ERICH3: variants seen among roughly 807,000 people sequenced by gnomAD.
ERICH3 encodes the protein glutamate-rich protein 3.
A neutral mutation model predicts 131.1 loss-of-function variants in ERICH3; 126 were observed. The ratio of observed to expected loss-of-function variants is 0.96; its 90% confidence interval spans 0.83 to 1.11. The LOEUF is 1.11. ERICH3 is among the 50% of genes most tolerant of loss of function. The pLI is 0.00. For missense variants in ERICH3, 2,050 were observed against 1,810.7 expected (o/e 1.13, Z -2.40); for synonymous variants, 695 against 644.6 (o/e 1.08, Z -1.18).
intron 1 of ERICH3, among the ~76,000 whole-genome samples, chr1:74,669,659 A>G (rs1367305897): frequency 3.9e-5 from 6 of 152,242 alleles, no homozygotes; most frequent in African/African-American, 1.4e-4. Flanking sequence ...CGAAATTATG[A>G]TGCAGCTCAG....
rs191183232 is a variant in ERICH3 at position 74,598,272 on chromosome 1, C to G, written c.1726+1423G>C. On this transcript the variant is annotated intron_variant, in intron 11 of 14. Coordinates refer to ENST00000326665, the MANE Select transcript of ERICH3 (RefSeq NM_001002912.5). ...TTATTACATGGATTTTATGGTCTCG[C>G]ATTGAAAAGAATCTTTACCCCAAGT... Among the ~76,000 whole-genome samples the G allele has an allele frequency of 4.0e-5, 6 of 151,790 alleles. No individual in the cohort carries two copies. In the East Asian group the frequency reaches 1.2e-3, roughly 29 times the overall value.
In ERICH3 at chr1:74,571,220, A is replaced by C. The variant is rs1646937152; in HGVS notation, c.4490T>G (p.Leu1497Arg). The change falls in exon 14 of 15, where the codon CTT becomes CGT. Residue 1497 changes from leucine (L) to arginine (R), a missense_variant. Coordinates refer to ENST00000326665, the MANE Select transcript of ERICH3 (RefSeq NM_001002912.5). ...SPESLQAMAT[L>R]PVKPDFTETR... ...TTCAGTGAAATCAGGCTTCACTGGA[A>C]GTGTTGCCATCGCCTGTAGACTCTC... 6.2e-7 allele frequency: 1 copy of C among 1,614,038 alleles called. No individual in the cohort carries two copies. Among genetic ancestry groups the C allele is most frequent in the Non-Finnish European group, 8.5e-7 (1 of 1,180,006 alleles).
In ERICH3 at chr1:74,571,272, G is replaced by A. The variant is rs149833860; in HGVS notation, c.4438C>T (p.Arg1480Trp). ...AAEKFRLGLS[R>W]EGERELSPES... ...GGACTCAATTCCCTCTCTCCCTCCCGTGATAATCCTAATCGGAATTTTTCA... is the reference window on the plus strand; with the variant it reads ...GGACTCAATTCCCTCTCTCCCTCCCATGATAATCCTAATCGGAATTTTTCA... Residue 1480 changes from arginine (R) to tryptophan (W), a missense_variant, in exon 14 of 15, where the codon CGG (arginine) becomes TGG (tryptophan). Arg to Trp is a moderately radical substitution (Grantham distance 101). Coordinates refer to ENST00000326665, the MANE Select transcript of ERICH3 (RefSeq NM_001002912.5). 3.1e-6 allele frequency: 5 copies of A among 1,613,778 alleles called. No homozygotes were observed. In the African/African-American group the frequency reaches 5.3e-5, roughly 17 times the overall value.
intron 11 of ERICH3, among the ~76,000 whole-genome samples, chr1:74,594,649 T>A (rs946061956): frequency 9.2e-5 from 14 of 152,090 alleles, no homozygotes; most frequent in Non-Finnish European, 1.5e-4. Flanking sequence ...GGGAAATAGA[T>A]CCACTGTACA....
Position 74,612,787 on chromosome 1 carries a change from T to C in ERICH3, c.1023A>G (p.Lys341=), listed in dbSNP as rs761565642. The C allele has an allele frequency of 6.3e-7, 1 of 1,584,480 alleles. No homozygotes were observed. The highest frequency in any genetic ancestry group is 8.6e-7 in the Non-Finnish European group (1 of 1,157,400). The part of the protein sequence containing the change: ...LEKETFQFIS[K]RHHGFPFSLT... ...GACTGAAGGGGAAACCATGATGCCT[T>C]TTGGAAATAAACTGAAAGGTCTCTG... The change falls in exon 9 of 15, where the codon AAA becomes AAG. Residue 341 remains lysine, a synonymous_variant. Coordinates refer to ENST00000326665, the MANE Select transcript of ERICH3 (RefSeq NM_001002912.5).
rs761043203 is a variant in ERICH3, at chr1:74,612,805, G to A, written c.1005C>T (p.Thr335=). 20 of 1,567,174 alleles carry A rather than the reference G, an allele frequency of 1.3e-5. No homozygotes were observed. The East Asian group carries it at 4.1e-4, about 32-fold the overall frequency. ...GATGCCTTTTGGAAATAAACTGAAA[G>A]GTCTCTGGAATTAAAATAGAAATAC... ...VYKGKLLEKE[T]FQFISKRHHG... is the part of the protein sequence containing the mutation. Residue 335 remains threonine, a synonymous_variant, in exon 9 of 15, where the codon ACC becomes ACT. Transcript: ENST00000326665.
intron 11 of ERICH3, 92 bp from the exon 12 acceptor site, chr1:74,590,172 A>C (rs574510943): frequency 2.7e-6 from 3 of 1,113,138 alleles, no homozygotes; most frequent in Admixed American, 5.8e-5. Context: ...AATACTAAAA[A>C]TTTTAAAACA....
intron 3 of ERICH3, among the ~76,000 whole-genome samples, chr1:74,643,851 C>A (rs979465131): frequency 5.3e-5 from 8 of 151,966 alleles, no homozygotes; most frequent in Non-Finnish European, 1.2e-4. Context: ...TTTCACAAAA[C>A]CTTGTTGTCC....
At chr1:74,623,606 A>C (rs1649310116) in intron 7 of ERICH3, 2 of 152,144 alleles carry the variant, frequency 1.3e-5, no homozygotes. Flanking sequence ...ATTTTGAACT[A>C]TTCCAGGAAA....
At chr1:74,610,314 G>T (rs923973119) in intron 9 of ERICH3, among the ~76,000 whole-genome samples, 1 of 150,766 alleles carries the variant, frequency 6.6e-6, no homozygotes, top group African/African-American at 2.4e-5. Context: ...TTTATGTATT[G>T]TTTAAGAAAA....
At position 74,589,499 on chromosome 1, in the gene ERICH3, G is replaced by A; in HGVS notation, c.2176+132C>T. ...CATGTATGATTATGTGACAAAGAGA[G>A]ACACAGCAAAAAATCTTGAATCCCT... On this transcript the variant is annotated intron_variant, in intron 12 of 14. Coordinates refer to ENST00000326665, the MANE Select transcript of ERICH3 (RefSeq NM_001002912.5). The A allele has an allele frequency of 3.5e-6, 3 of 856,830 alleles. No individual in the cohort carries two copies. The East Asian group carries it at 7.3e-5, about 21-fold the overall frequency. The allele number at this position is 856,830 out of a possible 1,614,324, so 53.1% of individuals were successfully genotyped here.
chr1:74,672,621 A>C (rs923196650), intron 1 of ERICH3, among the ~76,000 whole-genome samples: 4 of 152,214 alleles, frequency 2.6e-5, no homozygotes, highest in African/African-American at 9.6e-5. Context: ...AATGTGCAAT[A>C]AATGCAATTA....
rs371112685 is a variant in ERICH3, at chr1:74,602,491, C to T, written c.1490-2560G>A. 3.9e-5 allele frequency among the ~76,000 whole-genome samples: 6 copies of T among 152,050 alleles called. No homozygotes were observed. In the South Asian group the frequency reaches 6.2e-4, roughly 16 times the overall value. On this transcript the variant is annotated intron_variant, in intron 10 of 14. Transcript: ENST00000326665. Reference sequence around the variant, plus strand: ...TGTTTACCATCCCCACTAATGAGGACGTGAGTCAACACGGGGTCAACATCA... The same window carrying T: ...TGTTTACCATCCCCACTAATGAGGATGTGAGTCAACACGGGGTCAACATCA...
Position 74,571,094 on chromosome 1 carries a change from C to A in ERICH3, c.*18+5G>T. Reference sequence around the variant, plus strand: ...GTCCTACAAAGACATTACGCTTAAACTCACTGTCTGCCAGCAAGTCTCCTA... The same window carrying A: ...GTCCTACAAAGACATTACGCTTAAAATCACTGTCTGCCAGCAAGTCTCCTA... On this transcript the variant is annotated splice_donor_5th_base_variant and intron_variant, in intron 14 of 14. Transcript: ENST00000326665. 6.2e-7 allele frequency: 1 copy of A among 1,601,186 alleles called. No individual in the cohort carries two copies. Among genetic ancestry groups the A allele is most frequent in the Middle Eastern group, 1.7e-4 (1 of 5,998 alleles).
At chr1:74,659,108 A>G (rs1290579337) in intron 1 of ERICH3, among the ~76,000 whole-genome samples, 4 of 152,170 alleles carry the variant, frequency 2.6e-5, no homozygotes, top group Non-Finnish European at 5.9e-5. Context: ...TTAAACAATC[A>G]GGAAGAAAAT....
chr1:74,613,682 T>G (rs144461891), intron 8 of ERICH3, among the ~76,000 whole-genome samples: 2,010 of 152,294 alleles, frequency 0.013, 28 homozygotes, highest in Non-Finnish European at 0.019. Context: ...ACCAATAAAT[T>G]TAGAACCACT....
chr1:74,571,389 T>C lies in ERICH3; in HGVS notation c.4321A>G (p.Thr1441Ala). Residue 1441 changes from threonine (T) to alanine (A), a missense_variant, in exon 14 of 15, where the codon ACC (threonine) becomes GCC (alanine). Physicochemically the swap from Thr to Ala is moderately conservative, Grantham distance 58. Coordinates refer to ENST00000326665, the MANE Select transcript of ERICH3 (RefSeq NM_001002912.5). Reference protein sequence around the residue: ...VGTPGALERKTSGLGQEQEEG... With the variant: ...VGTPGALERKASGLGQEQEEG... Reference sequence around the variant, plus strand: ...TCTTGCTCCTGTCCTAGCCCTGAGGTCTTCCGCTCCAGGGCTCCTGGAGTG... The same window carrying C: ...TCTTGCTCCTGTCCTAGCCCTGAGGCCTTCCGCTCCAGGGCTCCTGGAGTG... 2 of 1,613,850 alleles carry C rather than the reference T, an allele frequency of 1.2e-6. No individual in the cohort carries two copies. The highest frequency in any genetic ancestry group is 1.7e-6 in the Non-Finnish European group (2 of 1,179,956).
chr1:74,621,454 T>G (rs1374508712), intron 7 of ERICH3: 1 of 152,194 alleles, frequency 6.6e-6, no homozygotes, highest in Non-Finnish European at 1.5e-5. Flanking sequence ...GAGATGCACA[T>G]GTATGATTTC....
chr1:74,669,869 G>A (rs1475191098), intron 1 of ERICH3, among the ~76,000 whole-genome samples: 4 of 152,108 alleles, frequency 2.6e-5, no homozygotes, highest in African/African-American at 4.8e-5. Flanking sequence ...TGGCATTTGA[G>A]GGATTTAAAA....
Sources: gnomAD v4.1 joint callset for allele counts (sites outside exome capture counted in the v4.1 genomes callset) on GRCh38, gnomAD v4.1.1 for gene constraint, MANE v1.5 for transcripts, NCBI Gene and HGNC (gene_info 2026-07-23, HGNC 2026-07-21) for gene names.